Variants in MYO1B observed in about 807,000 individuals in gnomAD.
MYO1B encodes the protein myosin IB.
MYO1B carries 72 observed loss-of-function variants against 159.7 expected under a neutral mutation model. That is an observed-to-expected ratio of 0.45 (90% CI 0.37 to 0.55). The LOEUF is 0.55. Among genes scored for constraint, MYO1B ranks in the 20% least tolerant of loss-of-function variants. The pLI is 0.00. For missense variants in MYO1B, 1,062 were observed against 1,364.8 expected (o/e 0.78, Z 3.50); for synonymous variants, 468 against 473.8 (o/e 0.99, Z 0.16).
intron 3 of MYO1B, among the ~76,000 whole-genome samples, chr2:191,309,133 C>A (rs1559157924): frequency 6.6e-6 from 1 of 152,214 alleles, no homozygotes; most frequent in African/African-American, 2.4e-5. Flanking sequence ...TGCAGCATCT[C>A]TTTGGATAAG....
At chr2:191,265,176 G>A (rs1687060302) in intron 1 of MYO1B, among the ~76,000 whole-genome samples, 1 of 146,404 alleles carries the variant, frequency 6.8e-6, no homozygotes, top group African/African-American at 2.6e-5. Context: ...CTGAACGATG[G>A]GAAGGCCCCT....
intron 3 of MYO1B, among the ~76,000 whole-genome samples, chr2:191,308,718 A>T (rs542083587): frequency 6.6e-6 from 1 of 152,166 alleles, no homozygotes; most frequent in Non-Finnish European, 1.5e-5. Flanking sequence ...AATCACTCTA[A>T]TTGGGCTTTC....
At chr2:191,409,386 G>A (rs1367108970) in intron 26 of MYO1B, among the ~76,000 whole-genome samples, 6 of 152,150 alleles carry the variant, frequency 3.9e-5, no homozygotes, top group Middle Eastern at 3.2e-3. Flanking sequence ...GTCGCCTCTC[G>A]GCCCTGGCTG....
chr2:191,266,126 T>G (rs1017210304), intron 1 of MYO1B, among the ~76,000 whole-genome samples: 7 of 152,190 alleles, frequency 4.6e-5, no homozygotes, highest in African/African-American at 1.4e-4. Context: ...TGGCTGCATT[T>G]CCTCCTTAGG....
At chr2:191,376,969 G>T (rs1694748773) in intron 13 of MYO1B, among the ~76,000 whole-genome samples, 1 of 152,170 alleles carries the variant, frequency 6.6e-6, no homozygotes, top group African/African-American at 2.4e-5. Context: ...GTTTATGATT[G>T]ATACTTGTGA....
At chr2:191,398,640 G>C (rs1417372387) in intron 21 of MYO1B, among the ~76,000 whole-genome samples, 2 of 151,400 alleles carry the variant, frequency 1.3e-5, no homozygotes, top group Non-Finnish European at 2.9e-5. Context: ...GGGCGGCGGG[G>C]CAGAGGCGCT....
rs149288048 is a variant in MYO1B, at chr2:191,362,309, C to T, written c.703C>T (p.Leu235=). The T allele has an allele frequency of 2.2e-5, 36 of 1,613,706 alleles. No homozygotes were observed. The Admixed American group carries it at 3.7e-4, about 16-fold the overall frequency. The change falls in exon 9 of 31, where the codon CTG becomes TTG. Residue 235 remains leucine, a synonymous_variant. Coordinates refer to ENST00000392318, the MANE Select transcript of MYO1B (RefSeq NM_001130158.3). ...GAGGGATTTCAGCAGGTATAACTAC[C>T]TGAGTCTGGATTCGGCCAAAGTGAA... ...LERDFSRYNY[L]SLDSAKVNGV...
chr2:191,378,675 T>C (rs1024202489), intron 13 of MYO1B, among the ~76,000 whole-genome samples: 1 of 152,184 alleles, frequency 6.6e-6, no homozygotes, highest in Non-Finnish European at 1.5e-5. Flanking sequence ...TCCTGTCTTC[T>C]TATATTGATA....
At chr2:191,315,772 G>A (rs562434354) in intron 3 of MYO1B, among the ~76,000 whole-genome samples, 10 of 152,242 alleles carry the variant, frequency 6.6e-5, no homozygotes, top group South Asian at 2.1e-4. Context: ...TGGAAGCAGC[G>A]GACATAACAC....
chr2:191,421,725 C>T, intron 30 of MYO1B, among the ~76,000 whole-genome samples: 1 of 152,220 alleles, frequency 6.6e-6, no homozygotes, highest in East Asian at 1.9e-4. Flanking sequence ...ACCTGCCTGC[C>T]TTGGCCTCCC....
intron 23 of MYO1B, among the ~76,000 whole-genome samples, 180 bp downstream of exon 23, chr2:191,401,015 G>A (rs1282755414): frequency 6.6e-6 from 1 of 152,184 alleles, no homozygotes; most frequent in South Asian, 2.1e-4. Flanking sequence ...GGAAGCTTAG[G>A]CATGCATAGG....
chr2:191,373,306 A>G (rs1694493998), intron 13 of MYO1B, among the ~76,000 whole-genome samples: 1 of 152,170 alleles, frequency 6.6e-6, no homozygotes, highest in Non-Finnish European at 1.5e-5. Context: ...GAATCTCTGG[A>G]GATGGGGCTG....
intron 1 of MYO1B, among the ~76,000 whole-genome samples, chr2:191,264,807 C>T (rs148852437): frequency 4.9e-4 from 74 of 151,388 alleles, no homozygotes; most frequent in African/African-American, 1.7e-3. Flanking sequence ...CATGCTCATC[C>T]CAGAATGAGC....
chr2:191,369,283 T>C (rs1694212534), intron 11 of MYO1B, among the ~76,000 whole-genome samples: 1 of 152,180 alleles, frequency 6.6e-6, no homozygotes, highest in Non-Finnish European at 1.5e-5. Context: ...TTCCATAAAA[T>C]TGAAATAAAT....
intron 2 of MYO1B, among the ~76,000 whole-genome samples, chr2:191,295,715 GA>G (rs1439818916): frequency 1.3e-5 from 2 of 152,066 alleles, no homozygotes; most frequent in Non-Finnish European, 2.9e-5. Context: ...TAAAAAGGTG[GA>G]AAAAGATGAG....
intron 2 of MYO1B, among the ~76,000 whole-genome samples, chr2:191,290,756 G>T (rs1469965394): frequency 6.6e-6 from 1 of 152,122 alleles, no homozygotes; most frequent in African/African-American, 2.4e-5. Flanking sequence ...CAGTTTTTCT[G>T]TAGTCTATTG....
intron 7 of MYO1B, among the ~76,000 whole-genome samples, chr2:191,350,955 G>A (rs1209696283): frequency 6.6e-6 from 1 of 152,044 alleles, no homozygotes; most frequent in Admixed American, 6.6e-5. Context: ...TTGGAGTTGT[G>A]GCACCCACAG....
intron 7 of MYO1B, among the ~76,000 whole-genome samples, chr2:191,354,658 A>G (rs578119251): frequency 6.6e-6 from 1 of 152,270 alleles, no homozygotes; most frequent in African/African-American, 2.4e-5. Flanking sequence ...GCAGAGTACA[A>G]CAAGTTTGGG....
chr2:191,365,610 A>C (rs1693958652), intron 11 of MYO1B, among the ~76,000 whole-genome samples: 1 of 152,220 alleles, frequency 6.6e-6, no homozygotes, highest in Non-Finnish European at 1.5e-5. Context: ...TTAATCAAGG[A>C]AATGCTGCTG....
Sources: allele counts gnomAD v4.1 joint callset (sites outside exome capture counted in the v4.1 genomes callset), GRCh38; gene constraint gnomAD v4.1.1; transcripts MANE v1.5; gene names NCBI Gene and HGNC (gene_info 2026-07-23, HGNC 2026-07-21).